ATXN10: variants seen among roughly 807,000 people sequenced by gnomAD.
The protein encoded by ATXN10 is ataxin 10.
In ATXN10, 28 loss-of-function variants were observed where a neutral mutation model predicts 52.9. The observed-to-expected ratio is 0.53, with a 90% CI of 0.39 to 0.73. The LOEUF (loss-of-function observed/expected upper bound fraction) is 0.73, where lower values mean the gene tolerates loss of function less well. Among genes scored for constraint, ATXN10 ranks in the 30% least tolerant of loss-of-function variants. The probability of loss-of-function intolerance (pLI) is 0.00; values close to 1 mark genes in which losing one functional copy is unlikely to be tolerated. For missense variants in ATXN10, 565 were observed against 577.0 expected (o/e 0.98, Z 0.21); for synonymous variants, 226 against 221.5 (o/e 1.02, Z -0.18).
At chr22:45,702,932 C>T in intron 5 of ATXN10, 85 bp downstream of exon 5, 1 of 1,529,652 alleles carries the variant, frequency 6.5e-7, no homozygotes, top group Non-Finnish European at 9.0e-7. Flanking sequence ...AAAATTTGGA[C>T]ATTGTGATAA....
chr22:45,831,090 C>G (rs536748756), intron 10 of ATXN10, among the ~76,000 whole-genome samples: 1 of 152,278 alleles, frequency 6.6e-6, no homozygotes, highest in Non-Finnish European at 1.5e-5. Flanking sequence ...GGACCTTACA[C>G]TTAGTGAAAT....
At chr22:45,720,306 C>T (rs1384280529) in intron 6 of ATXN10, among the ~76,000 whole-genome samples, 2 of 151,082 alleles carry the variant, frequency 1.3e-5, no homozygotes, top group Admixed American at 1.3e-4. Flanking sequence ...ATAAAGTTTA[C>T]TATTGTAACC....
chr22:45,713,351 G>A (rs181779467), intron 5 of ATXN10, among the ~76,000 whole-genome samples: 123 of 152,264 alleles, frequency 8.1e-4, no homozygotes, highest in South Asian at 1.5e-3. Context: ...TTGTTTTTTG[G>A]CAAGTGTGGA....
At position 45,759,023 on chromosome 22, in the gene ATXN10, G is replaced by A. The variant is rs1365876713; in HGVS notation, c.1173+18485G>A. 6.6e-6 allele frequency among the ~76,000 whole-genome samples: 1 copy of A among 152,148 alleles called. No individual in the cohort carries two copies. The highest frequency in any genetic ancestry group is 1.5e-5 in the Non-Finnish European group (1 of 68,040). On this transcript the variant is annotated intron_variant, in intron 9 of 11. Transcript: ENST00000252934. This position sits in a 1 kb window ranked among gnomAD's most constrained non-coding sequence, Gnocchi z 5.4. ...ATTTAGACATTATTCTTACTTAGAA[G>A]TACCATTCTTATTTAAAGGCAGTAT...
Position 45,807,227 on chromosome 22 carries a change from A to G in ATXN10, c.1237+205A>G, listed in dbSNP as rs534886857. 8.4e-4 allele frequency: 555 copies of G among 659,034 alleles called. 6 individuals carry two copies. In the South Asian group the frequency reaches 8.8e-3, roughly 10 times the overall value. 40.8% of individuals were successfully genotyped at this position (659,034 alleles called of 1,614,324 possible). Reference sequence around the variant, plus strand: ...TGTAGTATGGTAAGCTAGTTTTTTCATGGTGAATAAGACATTCCAAATGAG... The same window carrying G: ...TGTAGTATGGTAAGCTAGTTTTTTCGTGGTGAATAAGACATTCCAAATGAG... On this transcript the variant is annotated intron_variant, in intron 10 of 11. Coordinates refer to ENST00000252934, the MANE Select transcript of ATXN10 (RefSeq NM_013236.4).
rs1926490769 is a variant in ATXN10 at position 45,763,974 on chromosome 22, C to T, written c.1173+23436C>T. Reference sequence around the variant, plus strand: ...CGTGTTATTGGAGAAAATTATAATACCTGACTTGTGAGTTCCATTCCAGAA... The same window carrying T: ...CGTGTTATTGGAGAAAATTATAATATCTGACTTGTGAGTTCCATTCCAGAA... On this transcript the variant is annotated intron_variant, in intron 9 of 11. Transcript: ENST00000252934. The surrounding 1 kb of genome is among the most constrained non-coding windows in gnomAD (Gnocchi z 6.9). 6.6e-6 allele frequency among the ~76,000 whole-genome samples: 1 copy of T among 151,686 alleles called. No individual in the cohort carries two copies. The highest frequency in any genetic ancestry group is 1.5e-5 in the Non-Finnish European group (1 of 67,956).
rs1032661472 is a variant in ATXN10, at chr22:45,780,415, A to G, written c.1174-26544A>G. Among the ~76,000 whole-genome samples, 1 of 152,122 alleles carries G rather than the reference A, an allele frequency of 6.6e-6. No homozygotes were observed. Among genetic ancestry groups the G allele is most frequent in the Admixed American group, 6.5e-5 (1 of 15,274 alleles). ...TTGCTCTCATGAGAGCAGGGTGTGA[A>G]AGCCCCCTTGTTGCCTGTTTCAGAA... On this transcript the variant is annotated intron_variant, in intron 9 of 11. Transcript: ENST00000252934. The surrounding 1 kb of genome is among the most constrained non-coding windows in gnomAD (Gnocchi z 4.0).
intron 10 of ATXN10, among the ~76,000 whole-genome samples, chr22:45,832,961 GTTAT>G (rs1373162066): frequency 2.0e-5 from 3 of 152,194 alleles, no homozygotes; most frequent in Non-Finnish European, 2.9e-5. Flanking sequence ...GAATGTTGGA[GTTAT>G]TTATGTATTA....
At chr22:45,771,901 G>C (rs1314082238) in intron 9 of ATXN10, among the ~76,000 whole-genome samples, 2 of 152,194 alleles carry the variant, frequency 1.3e-5, no homozygotes, top group East Asian at 3.8e-4. Flanking sequence ...TGAGCCTACA[G>C]GTGCTTGCCA....
intron 9 of ATXN10, among the ~76,000 whole-genome samples, chr22:45,800,919 G>A (rs1451106496): frequency 6.6e-6 from 1 of 152,232 alleles, no homozygotes; most frequent in Non-Finnish European, 1.5e-5. Flanking sequence ...TGATTGCAGA[G>A]CTGCGCAAGG....
In ATXN10 at chr22:45,759,005, C is replaced by T. The variant is rs1926279508; in HGVS notation, c.1173+18467C>T. On this transcript the variant is annotated intron_variant, in intron 9 of 11. Transcript: ENST00000252934. This position sits in a 1 kb window ranked among gnomAD's most constrained non-coding sequence, Gnocchi z 5.4. ...TTAACAAGATTTAATGTAATTTAGA[C>T]ATTATTCTTACTTAGAAGTACCATT... Among the ~76,000 whole-genome samples the T allele has an allele frequency of 6.6e-6, 1 of 152,154 alleles. No homozygotes were observed. Among genetic ancestry groups the T allele is most frequent in the Non-Finnish European group, 1.5e-5 (1 of 68,028 alleles).
At chr22:45,693,150 A>G in intron 3 of ATXN10, 72 bp downstream of exon 3, 5 of 1,214,052 alleles carry the variant, frequency 4.1e-6, no homozygotes, top group Non-Finnish European at 6.1e-6. Flanking sequence ...TTGAGTATTA[A>G]CATCATTCAT....
rs563028398 is a variant in ATXN10, at chr22:45,800,766, A to G, written c.1174-6193A>G. On this transcript the variant is annotated intron_variant, in intron 9 of 11. Coordinates refer to ENST00000252934, the MANE Select transcript of ATXN10 (RefSeq NM_013236.4). The stretch of plus-strand genomic sequence containing the variant: ...AGAAATAAACAAAAATCAATGATAC[A>G]TGTAACAACGTGGATGAATCTCGAA... 9.2e-5 allele frequency among the ~76,000 whole-genome samples: 14 copies of G among 152,368 alleles called. No individual in the cohort carries two copies. In the South Asian group the frequency reaches 2.7e-3, roughly 29 times the overall value.
chr22:45,793,261 G>GA (rs1927579673), intron 9 of ATXN10: 1 of 161,698 alleles, frequency 6.2e-6, no homozygotes, highest in Non-Finnish European at 1.4e-5. Flanking sequence ...GCATCTCCTA[G>GA]TCAGTTGTGA....
rs770158871 is a variant in ATXN10, at chr22:45,702,683, T to G, written c.489-6T>G. The stretch of plus-strand genomic sequence containing the variant: ...GGGCTAACAATCTCATTTCCTTGTT[T>G]GGAAGGTCTTGCTTAAATCATCCGG... On this transcript the variant is annotated splice_polypyrimidine_tract_variant and splice_region_variant and intron_variant, in intron 4 of 11. Coordinates refer to ENST00000252934, the MANE Select transcript of ATXN10 (RefSeq NM_013236.4). 2.5e-6 allele frequency: 4 copies of G among 1,613,798 alleles called. No individual in the cohort carries two copies. The Admixed American group carries it at 6.7e-5, about 27-fold the overall frequency.
intron 9 of ATXN10, among the ~76,000 whole-genome samples, chr22:45,778,735 T>A (rs1462283176): frequency 2.0e-5 from 3 of 152,202 alleles, no homozygotes; most frequent in African/African-American, 7.2e-5. Context: ...CAGTCTGAGA[T>A]TGACAAGATT....
rs1926932676 is a variant in ATXN10 at position 45,775,799 on chromosome 22, C to T, written c.1174-31160C>T. Among the ~76,000 whole-genome samples the T allele has an allele frequency of 6.6e-6, 1 of 152,182 alleles. No homozygotes were observed. The highest frequency in any genetic ancestry group is 1.5e-5 in the Non-Finnish European group (1 of 68,044). On this transcript the variant is annotated intron_variant, in intron 9 of 11. Coordinates refer to ENST00000252934, the MANE Select transcript of ATXN10 (RefSeq NM_013236.4). The surrounding 1 kb of genome is among the most constrained non-coding windows in gnomAD (Gnocchi z 4.7). ...GTCTCCGATTTATTTAGCACGGTAG[C>T]ACCAATAATAAATATTCTACAGCCT...
Position 45,805,917 on chromosome 22 carries a change from C to A in ATXN10, c.1174-1042C>A, listed in dbSNP as rs974110376. Among the ~76,000 whole-genome samples the A allele has an allele frequency of 6.6e-6, 1 of 152,184 alleles. No individual in the cohort carries two copies. Among genetic ancestry groups the A allele is most frequent in the Non-Finnish European group, 1.5e-5 (1 of 68,028 alleles). On this transcript the variant is annotated intron_variant, in intron 9 of 11. Transcript: ENST00000252934. This position sits in a 1 kb window ranked among gnomAD's most constrained non-coding sequence, Gnocchi z 4.4. ...GTCACTCATGCCGATAATCCCAGTG[C>A]TTTGGGAGACCAAGGCAGGAGGATC...
chr22:45,807,988 G>A (rs1448352824), intron 10 of ATXN10, among the ~76,000 whole-genome samples: 1 of 152,204 alleles, frequency 6.6e-6, no homozygotes, highest in African/African-American at 2.4e-5. Flanking sequence ...TAGACTGAGC[G>A]ATGCTTATTA....
Sources: gnomAD v4.1 joint callset for allele counts (sites outside exome capture counted in the v4.1 genomes callset) on GRCh38, gnomAD v4.1.1 for gene constraint, Gnocchi (gnomAD v3.1) non-coding constraint, MANE v1.5 for transcripts, NCBI Gene and HGNC (gene_info 2026-07-23, HGNC 2026-07-21) for gene names.